Variants in RASSF6 observed in about 807,000 individuals in gnomAD.
The protein encoded by RASSF6 is ras association domain-containing protein 6.
RASSF6 carries 52 observed loss-of-function variants against 44.0 expected under a neutral mutation model. The ratio of observed to expected loss-of-function variants is 1.18; its 90% CI spans 0.95 to 1.49. The LOEUF is 1.49. Ranked by LOEUF, RASSF6 falls within the 40% of genes most tolerant of loss-of-function variation. RASSF6 has a pLI of 0.00. For synonymous variants in RASSF6, 162 were observed against 124.6 expected, an observed-to-expected ratio of 1.30 and a Z score of -2.00; for missense variants, 464 against 393.3, an observed-to-expected ratio of 1.18 and a Z score of -1.52.
Position 73,576,454 on chromosome 4 carries a change from T to A in RASSF6, c.894A>T (p.Arg298Ser). ...HFSLLESILQ[R>S]LNEEEKREIQ... ...TCTCTCTTTTCTCTTCTTCATTTAA[T>A]CTTTGAAGAATGGATTCCAAGAGAG... is the stretch of plus-strand genomic sequence containing the variant. Residue 298 changes from arginine to serine, a missense_variant, in exon 10 of 11, where the codon AGA (arginine) becomes AGT (serine). By Grantham distance (110) the Arg-to-Ser change is moderately radical (BLOSUM62 -1). Coordinates refer to ENST00000307439, the MANE Select transcript of RASSF6 (RefSeq NM_177532.5). 8.2e-6 allele frequency: 13 copies of A among 1,586,222 alleles called. No homozygotes were observed. The highest frequency in any genetic ancestry group is 1.1e-5 in the Non-Finnish European group (13 of 1,163,140).
At chr4:73,595,037 CT>C (rs1227344628) in intron 3 of RASSF6, among the ~76,000 whole-genome samples, 1 of 152,140 alleles carries the variant, frequency 6.6e-6, no homozygotes, top group Non-Finnish European at 1.5e-5. Context: ...AGGACTGCCC[CT>C]TTTAAACAGT....
rs145420998 is a variant in RASSF6 at position 73,576,656 on chromosome 4, C to T, written c.797G>A (p.Arg266His). The T allele has an allele frequency of 4.6e-5, 75 of 1,613,528 alleles. No homozygotes were observed. Among genetic ancestry groups the T allele is most frequent in the East Asian group, 3.6e-4 (16 of 44,864 alleles). ...LLQGPSEKNA[R>H]IFLMDKDAEE... ...TGCATCTTTATCCATGAGGAAAATG[C>T]GAGCATTCTTTTCAGAAGGTCCCTG... Residue 266 changes from arginine to histidine, a missense_variant, in exon 9 of 11, where the codon CGC (arginine) becomes CAC (histidine). Arg to His is a conservative substitution (Grantham distance 29). Coordinates refer to ENST00000307439, the MANE Select transcript of RASSF6 (RefSeq NM_177532.5).
At position 73,572,040 on chromosome 4, in the gene RASSF6, T is replaced by A. The variant is rs1041568503; in HGVS notation, c.*4195A>T. On this transcript the variant is annotated 3_prime_UTR_variant, in exon 11 of 11. Transcript: ENST00000307439. ...TCATACAGTTTCTGAGGATGAGGAA[T>A]CCAGAATGGTTTCCTTGGGTTTTCT... The A allele has an allele frequency of 7.2e-5, 11 of 152,316 alleles. No individual in the cohort carries two copies. The highest frequency in any genetic ancestry group is 3.4e-3 in the Middle Eastern group (1 of 294). The allele number at this position is 152,316 out of a possible 1,614,324, so 9.4% of individuals were successfully genotyped here.
chr4:73,585,193 A>T lies in RASSF6; in HGVS notation c.554T>A (p.Phe185Tyr). 6.2e-7 allele frequency: 1 copy of T among 1,602,894 alleles called. No individual in the cohort carries two copies. Among genetic ancestry groups the T allele is most frequent in the Non-Finnish European group, 8.5e-7 (1 of 1,175,664 alleles). Residue 185 changes from phenylalanine (F) to tyrosine (Y), a missense_variant, in exon 6 of 11, where the codon TTC (phenylalanine) becomes TAC (tyrosine). Transcript: ENST00000307439. ...QKNRASINGH[F>Y]YNHETSIFIP... is the part of the protein sequence containing the mutation. ...TAACTCACTTACTTCATGGTTATAG[A>T]AGTGTCCATTAATAGAGGCTCTATT...
chr4:73,588,720 G>A (rs1297376034), intron 4 of RASSF6, among the ~76,000 whole-genome samples: 1 of 151,746 alleles, frequency 6.6e-6, no homozygotes, highest in South Asian at 2.1e-4. Context: ...TTGAATCAGT[G>A]CCCTGAAAAT....
chr4:73,578,029 T>TTTTCTTCATTTCTGGTCCCTAAAGG (rs148066158), intron 8 of RASSF6, among the ~76,000 whole-genome samples: 1 of 151,908 alleles, frequency 6.6e-6, no homozygotes, highest in Non-Finnish European at 1.5e-5. Flanking sequence ...TGCTCTCTTC[T>TTTTCTTCATTTCTGGTCCCTAAAGG]GACCTAGTTA....
Position 73,584,288 on chromosome 4 carries a change from C to A in RASSF6, c.567+892G>T, listed in dbSNP as rs879860043. The stretch of plus-strand genomic sequence containing the variant: ...CCTACAAAGCAATGAGTTCCTATTT[C>A]TTATTAAAGGCCTCAGAAGATACCT... On this transcript the variant is annotated intron_variant, in intron 6 of 10. Transcript: ENST00000307439. Among the ~76,000 whole-genome samples, 5 of 152,060 alleles carry A rather than the reference C, an allele frequency of 3.3e-5. 1 individual carries two copies. Among genetic ancestry groups the A allele is most frequent in the African/African-American group, 1.2e-4 (5 of 41,426 alleles).
At chr4:73,600,339 C>G (rs1725199021) in intron 2 of RASSF6, among the ~76,000 whole-genome samples, 2 of 150,746 alleles carry the variant, frequency 1.3e-5, no homozygotes, top group Admixed American at 6.6e-5. Flanking sequence ...ATTGCCTAAA[C>G]AACAATAAAC....
chr4:73,579,507 G>A (rs571629873), intron 8 of RASSF6, among the ~76,000 whole-genome samples: 2 of 152,128 alleles, frequency 1.3e-5, no homozygotes, highest in African/African-American at 4.8e-5. Context: ...GGTGTGGCTT[G>A]AGCTTGCATT....
chr4:73,592,226 C>A (rs778628894), intron 4 of RASSF6, among the ~76,000 whole-genome samples: 1 of 152,144 alleles, frequency 6.6e-6, no homozygotes, highest in Non-Finnish European at 1.5e-5. Flanking sequence ...AAATCATAGT[C>A]GGGCTTAAAT....
chr4:73,578,775 A>AT (rs951486465), intron 8 of RASSF6, among the ~76,000 whole-genome samples: 4 of 151,700 alleles, frequency 2.6e-5, no homozygotes, highest in Non-Finnish European at 4.4e-5. Context: ...CACCTGGCTA[A>AT]TTTTTTTGGT....
At chr4:73,608,082 C>T (rs943448178) in intron 2 of RASSF6, among the ~76,000 whole-genome samples, 6 of 144,216 alleles carry the variant, frequency 4.2e-5, no homozygotes, top group East Asian at 2.1e-4. Flanking sequence ...TCCTCCTCCT[C>T]CTTGCTTATG....
In RASSF6 at chr4:73,611,753, T is replaced by A; in HGVS notation, c.43A>T (p.Asn15Tyr). Residue 15 changes from asparagine to tyrosine, a missense_variant, in exon 2 of 11, where the codon AAT becomes TAT. Coordinates refer to ENST00000307439, the MANE Select transcript of RASSF6 (RefSeq NM_177532.5). ...TACCTGGTTATGAATGTCTTCTCAT[T>A]AATGAAGATCCAAGAGGGGTACTGG... The part of the protein sequence containing the change: ...AHQYPSWIFI[N>Y]EKTFITREQL... 2 of 1,608,874 alleles carry A rather than the reference T, an allele frequency of 1.2e-6. No individual in the cohort carries two copies. Among genetic ancestry groups the A allele is most frequent in the African/African-American group, 2.7e-5 (2 of 74,896 alleles).
At chr4:73,583,350 A>T (rs1723816384) in intron 6 of RASSF6, among the ~76,000 whole-genome samples, 1 of 152,134 alleles carries the variant, frequency 6.6e-6, no homozygotes, top group Admixed American at 6.6e-5. Flanking sequence ...TAGTCTTTAT[A>T]TCAGTTGTGT....
intron 6 of RASSF6, among the ~76,000 whole-genome samples, chr4:73,583,500 A>G (rs913576150): frequency 6.6e-6 from 1 of 152,140 alleles, no homozygotes; most frequent in Non-Finnish European, 1.5e-5. Flanking sequence ...TCATAGCCTA[A>G]CAATATTGGC....
chr4:73,572,991 G>A lies in RASSF6; in HGVS notation c.*3244C>T, dbSNP rs1722992890. On this transcript the variant is annotated 3_prime_UTR_variant, in exon 11 of 11. Transcript: ENST00000307439. The stretch of plus-strand genomic sequence containing the variant: ...TACATATATAATATATATGCCTTAA[G>A]TACATAATAAATATTTTGGAACATG... The A allele has an allele frequency of 6.6e-6, 1 of 151,612 alleles. No individual in the cohort carries two copies. The highest frequency in any genetic ancestry group is 2.1e-4 in the South Asian group (1 of 4,808). The allele number at this position is 151,612 out of a possible 1,614,324, so 9.4% of individuals were successfully genotyped here. A position where few individuals can be genotyped will look rare whatever the true frequency, so the allele number is the denominator to read the frequency against.
At chr4:73,582,359 T>C in intron 6 of RASSF6, 69 bp from the exon 7 acceptor site, 1 of 706,574 alleles carries the variant, frequency 1.4e-6, no homozygotes, top group Non-Finnish European at 2.2e-6. Context: ...ATCTTGAACA[T>C]AATCTTCTTA....
rs1397520156 is a variant in RASSF6 at position 73,593,459 on chromosome 4, G to A, written c.279C>T (p.Ser93=). The change falls in exon 4 of 11, where the codon TCC becomes TCT. Residue 93 remains serine (S), a synonymous_variant. Coordinates refer to ENST00000307439, the MANE Select transcript of RASSF6 (RefSeq NM_177532.5). ...FTSMKSSDVF[S]SKGMTRWGEF... ...CATGAAAGATAGCTTACCCTTTGCTGGAGAAGACGTCTGATGACTTCATAC... is the reference window on the plus strand; with the variant it reads ...CATGAAAGATAGCTTACCCTTTGCTAGAGAAGACGTCTGATGACTTCATAC... 1 of 1,601,376 alleles carries A rather than the reference G, an allele frequency of 6.2e-7. No homozygotes were observed. The highest frequency in any genetic ancestry group is 2.2e-5 in the East Asian group (1 of 44,622).
upstream of RASSF6, chr4:73,620,467 G>A (rs1352864536): frequency 1.3e-6 from 2 of 1,547,124 alleles, no homozygotes; most frequent in Admixed American, 4.0e-5. Context: ...GCCCGCGCGG[G>A]CGCAGGGGCG....
Sources: gnomAD v4.1 joint callset for allele counts (sites outside exome capture counted in the v4.1 genomes callset) on GRCh38, gnomAD v4.1.1 for gene constraint, MANE v1.5 for transcripts, NCBI Gene and HGNC (gene_info 2026-07-23, HGNC 2026-07-21) for gene names.